EIF3I: variants seen among roughly 807,000 people sequenced by gnomAD.
EIF3I encodes TGF-beta receptor-interacting protein 1.
A neutral mutation model predicts 43.3 loss-of-function variants in EIF3I; 20 were observed. The ratio of observed to expected loss-of-function variants is 0.46; its 90% CI spans 0.32 to 0.67. The LOEUF is 0.67. Among genes scored for constraint, EIF3I ranks in the 30% least tolerant of loss-of-function variants. The pLI, the probability that EIF3I is intolerant of heterozygous loss-of-function variation, is 0.03. For synonymous variants in EIF3I, 167 were observed against 151.7 expected (o/e 1.10, Z -0.74); for missense variants, 279 against 421.4 (o/e 0.66, Z 2.96).
chr1:32,223,973 CA>C (rs1409787870), intron 2 of EIF3I, 60 bp from the exon 3 acceptor site: 2 of 1,530,504 alleles, frequency 1.3e-6, no homozygotes, highest in Admixed American at 3.3e-5. Context: ...GTTCCTGGGG[CA>C]AAATAGGAAG....
At chr1:32,227,274 C>T (rs1639162122) in intron 6 of EIF3I, among the ~76,000 whole-genome samples, 3 of 88,012 alleles carry the variant, frequency 3.4e-5, no homozygotes, top group Non-Finnish European at 4.1e-5. Flanking sequence ...GACCCTGTCT[C>T]TAAAAAAAAA....
chr1:32,235,287 A>C (rs1216872517), downstream of EIF3I: 1 of 152,080 alleles, frequency 6.6e-6, no homozygotes. Context: ...CGACCCACAG[A>C]GGAGTTCCTA....
At chr1:32,227,365 G>A (rs545085657) in intron 6 of EIF3I, among the ~76,000 whole-genome samples, 17 of 151,358 alleles carry the variant, frequency 1.1e-4, no homozygotes, top group African/African-American at 4.1e-4. Flanking sequence ...CTTTCTAGCT[G>A]TGTGATCTTG....
At chr1:32,226,595 C>T in intron 6 of EIF3I, 65 bp downstream of exon 6, 1 of 1,384,230 alleles carries the variant, frequency 7.2e-7, no homozygotes, top group South Asian at 1.9e-5. Context: ...AAGATAGAGT[C>T]TCTCTCTGTT....
exon 6 of EIF3I, chr1:32,226,488 C>T (rs529692171): frequency 1.8e-5 from 28 of 1,591,522 alleles, no homozygotes; most frequent in Middle Eastern, 1.7e-4. Context: ...AGTGCATCAT[C>T]GCTGGCCATG....
Position 32,226,389 on chromosome 1 carries a change from A to C in EIF3I, c.401-14A>C. The C allele has an allele frequency of 6.2e-7, 1 of 1,608,694 alleles. No homozygotes were observed. The highest frequency in any genetic ancestry group is 8.5e-7 in the Non-Finnish European group (1 of 1,177,650). Reference sequence around the variant, plus strand: ...TTCTAGAGCCCAGGGCCTAACATCTACTGCCCCACACAGACAACAATGAGC... The same window carrying C: ...TTCTAGAGCCCAGGGCCTAACATCTCCTGCCCCACACAGACAACAATGAGC... On this transcript the variant is annotated splice_polypyrimidine_tract_variant and intron_variant, in intron 5 of 11. Transcript: ENST00000676679.
At chr1:32,229,246 T>C (rs777028776) in intron 9 of EIF3I, 38 bp downstream of exon 9, 34 of 1,599,516 alleles carry the variant, frequency 2.1e-5, no homozygotes, top group Middle Eastern at 1.7e-4. Context: ...TAAAATCTCA[T>C]GTGGTGTACC....
At chr1:32,228,930 G>A (rs1639191475) in intron 8 of EIF3I, 114 bp downstream of exon 8, 1 of 1,090,590 alleles carries the variant, frequency 9.2e-7, no homozygotes, top group Non-Finnish European at 1.4e-6. Context: ...AGGCAGAGAG[G>A]AGATGCCCAG....
rs756589284 is a variant in EIF3I at position 32,228,656 on chromosome 1, G to A, written c.639+47G>A. 5.0e-6 allele frequency: 8 copies of A among 1,604,916 alleles called. No individual in the cohort carries two copies. In the East Asian group the frequency reaches 6.7e-5, roughly 13 times the overall value. ...GCAGGGCTGCTCCCTCCCTCCGGCT[G>A]CACAGCTCACCCTGCCCGACTTCCC... On this transcript the variant is annotated intron_variant, in intron 7 of 11. Transcript: ENST00000676679.
chr1:32,224,983 G>T (rs750057348), intron 4 of EIF3I, among the ~76,000 whole-genome samples: 1 of 152,056 alleles, frequency 6.6e-6, no homozygotes, highest in Admixed American at 6.6e-5. Flanking sequence ...ACAGACATGC[G>T]CCATCACACC....
downstream of EIF3I, among the ~76,000 whole-genome samples, chr1:32,232,998 A>G (rs1039694214): frequency 1.3e-5 from 2 of 152,052 alleles, no homozygotes; most frequent in African/African-American, 4.8e-5. Flanking sequence ...TTACTTATTT[A>G]TTTATTTATT....
Position 32,224,480 on chromosome 1 carries a change from G to A in EIF3I, c.250+5G>A. 2 of 1,612,728 alleles carry A rather than the reference G, an allele frequency of 1.2e-6. No homozygotes were observed. The highest frequency in any genetic ancestry group is 1.7e-6 in the Non-Finnish European group (2 of 1,179,480). On this transcript the variant is annotated splice_donor_5th_base_variant and intron_variant, in intron 4 of 11. Transcript: ENST00000676679. ...GTCTCTGGGACTGTGAAACAGGTAA[G>A]CTGGGTTCATTCACCTTTTTAGCAA...
chr1:32,229,320 G>A, intron 9 of EIF3I, 112 bp downstream of exon 9: 1 of 1,138,396 alleles, frequency 8.8e-7, no homozygotes. Flanking sequence ...GAGCGCAGTG[G>A]CGTGATCTCT....
At chr1:32,233,375 C>T (rs533777990), downstream of EIF3I, among the ~76,000 whole-genome samples, 93 of 152,234 alleles carry the variant, frequency 6.1e-4, 1 homozygote, top group Non-Finnish European at 1.3e-4. Context: ...AGGGTGGTCT[C>T]GATCTCCTGA....
exon 1 of EIF3I, chr1:32,222,413 G>T (rs771704943): frequency 1.3e-6 from 2 of 1,590,090 alleles, no homozygotes; most frequent in African/African-American, 1.3e-5. Context: ...TCTTACTCAC[G>T]TTGCGGCCTT....
At chr1:32,227,364 T>G (rs895926262) in intron 6 of EIF3I, among the ~76,000 whole-genome samples, 5 of 151,916 alleles carry the variant, frequency 3.3e-5, no homozygotes, top group African/African-American at 9.7e-5. Flanking sequence ...ACTTTCTAGC[T>G]GTGTGATCTT....
At chr1:32,235,790 TG>T (rs1328105662), downstream of EIF3I, among the ~76,000 whole-genome samples, 1 of 152,188 alleles carries the variant, frequency 6.6e-6, no homozygotes, top group Non-Finnish European at 1.5e-5. Flanking sequence ...ACCAGTCTGA[TG>T]GGAGCAACAT....
exon 2 of EIF3I, chr1:32,222,584 A>C: frequency 6.2e-7 from 1 of 1,614,160 alleles, no homozygotes; most frequent in East Asian, 2.2e-5. Context: ...ACGCAGATTA[A>C]GTATAACCGC....
chr1:32,228,836 C>T lies in EIF3I; in HGVS notation c.729+20C>T, dbSNP rs1287363194. 9 of 1,595,840 alleles carry T rather than the reference C, an allele frequency of 5.6e-6. No individual in the cohort carries two copies. Among genetic ancestry groups the T allele is most frequent in the African/African-American group, 4.0e-5 (3 of 74,466 alleles). ...GACCATGTAAGAGAACCCCACCTGC[C>T]TTCCTGCTGAAGCCTCAGGAAGCTT... On this transcript the variant is annotated intron_variant, in intron 8 of 11. Transcript: ENST00000676679.
Sources: gnomAD v4.1 joint callset for allele counts (sites outside exome capture counted in the v4.1 genomes callset) on GRCh38, gnomAD v4.1.1 for gene constraint, MANE v1.5 for transcripts, NCBI Gene and HGNC (gene_info 2026-07-23, HGNC 2026-07-21) for gene names.